The following CLN8 variants were observed in gnomAD, a reference collection of about 807,000 sequenced individuals.
CLN8 encodes the protein protein CLN8.
Under a neutral mutation model 15.7 loss-of-function variants are expected in CLN8, and 14 were observed. The ratio of observed to expected loss-of-function variants is 0.89; its 90% CI spans 0.59 to 1.39. CLN8 has a LOEUF of 1.39. CLN8 is among the 40% of genes most tolerant of loss of function. The pLI, the probability that CLN8 is intolerant of heterozygous loss-of-function variation, is 0.00. For missense variants in CLN8, 415 were observed against 364.0 expected (o/e 1.14, Z -1.14); for synonymous variants, 188 against 151.0 (o/e 1.25, Z -1.80).
chr8:1,775,463 C>G (rs941338375), intron 2 of CLN8, among the ~76,000 whole-genome samples: 1 of 152,190 alleles, frequency 6.6e-6, no homozygotes, highest in African/African-American at 2.4e-5. Flanking sequence ...CTACTCTTCT[C>G]AAAGCCTTTG....
At chr8:1,767,026 C>G (rs1439028395) in intron 1 of CLN8, among the ~76,000 whole-genome samples, 1 of 152,220 alleles carries the variant, frequency 6.6e-6, no homozygotes, top group Admixed American at 6.5e-5. Flanking sequence ...CAGCAGAGCT[C>G]TGCAGGACTC....
At chr8:1,760,704 C>T (rs994092891), upstream of CLN8, among the ~76,000 whole-genome samples, 16 of 152,166 alleles carry the variant, frequency 1.1e-4, no homozygotes, top group African/African-American at 3.9e-4. Context: ...GAACCCAGTG[C>T]TGATGGAGAA....
At chr8:1,773,777 A>G (rs1410092772) in intron 2 of CLN8, 1 of 152,194 alleles carries the variant, frequency 6.6e-6, no homozygotes, top group African/African-American at 2.4e-5. Flanking sequence ...TACTCCTCTC[A>G]CCTGGAAACA....
At chr8:1,763,178 G>A (rs1392058035), upstream of CLN8, 2 of 151,930 alleles carry the variant, frequency 1.3e-5, no homozygotes, top group Non-Finnish European at 2.9e-5. Flanking sequence ...CCCGGAGCGC[G>A]ACTCAGCCGC....
At chr8:1,753,483 A>G (rs1800598470), upstream of CLN8, among the ~76,000 whole-genome samples, 2 of 148,866 alleles carry the variant, frequency 1.3e-5, no homozygotes, top group Non-Finnish European at 3.0e-5. Context: ...AGGCAGGAGA[A>G]TGGCTTGAAC....
At position 1,771,070 on chromosome 8, in the gene CLN8, G is replaced by C. The variant is rs200999640; in HGVS notation, c.16G>C (p.Asp6His). The C allele has an allele frequency of 1.2e-6, 2 of 1,614,068 alleles. No homozygotes were observed. Among genetic ancestry groups the C allele is most frequent in the Admixed American group, 1.7e-5 (1 of 60,006 alleles). MNPAS[D>H]GGTSESIFDL... ...GCTGTGGACAATGAATCCTGCGAGC[G>C]ATGGGGGCACATCAGAGAGCATTTT... Residue 6 changes from aspartate to histidine, a missense_variant, in exon 2 of 3, where the codon GAT (aspartate) becomes CAT (histidine). Transcript: ENST00000331222.
chr8:1,754,635 G>A (rs929111967), upstream of CLN8, among the ~76,000 whole-genome samples: 5 of 152,226 alleles, frequency 3.3e-5, no homozygotes, highest in African/African-American at 4.8e-5. Context: ...AGCTGCTGTC[G>A]AACACACATT....
chr8:1,782,980 C>T lies in CLN8; in HGVS notation c.*2413C>T, dbSNP rs1375356085. Reference sequence around the variant, plus strand: ...CACCCGCTCCGTCCAGTGTCACCCACACATTGGTCCGGGGACCCCTCAGTG... The same window carrying T: ...CACCCGCTCCGTCCAGTGTCACCCATACATTGGTCCGGGGACCCCTCAGTG... On this transcript the variant is annotated 3_prime_UTR_variant, in exon 3 of 3. Coordinates refer to ENST00000331222, the MANE Select transcript of CLN8 (RefSeq NM_018941.4). 1 of 152,292 alleles carries T rather than the reference C, an allele frequency of 6.6e-6. No homozygotes were observed. Among genetic ancestry groups the T allele is most frequent in the Admixed American group, 6.5e-5 (1 of 15,284 alleles). The allele number at this position is 152,292 out of a possible 1,614,324, so 9.4% of individuals were successfully genotyped here.
rs1801833463 is a variant in CLN8 at position 1,786,506 on chromosome 8, A to C, written c.*5939A>C. The C allele has an allele frequency of 6.6e-6, 1 of 152,234 alleles. No homozygotes were observed. The highest frequency in any genetic ancestry group is 1.5e-5 in the Non-Finnish European group (1 of 68,038). The allele number at this position is 152,234 out of a possible 1,614,324, so 9.4% of individuals were successfully genotyped here. A position where few individuals can be genotyped will look rare whatever the true frequency, so the allele number is the denominator to read the frequency against. ...ACTTCACTCTTAGTAAAATGTATTT[A>C]CTATTTTAGTAACAAAAATATACTT... On this transcript the variant is annotated 3_prime_UTR_variant, in exon 3 of 3. Coordinates refer to ENST00000331222, the MANE Select transcript of CLN8 (RefSeq NM_018941.4).
chr8:1,768,445 C>A (rs373238400), intron 1 of CLN8, among the ~76,000 whole-genome samples: 1 of 152,094 alleles, frequency 6.6e-6, no homozygotes, highest in Non-Finnish European at 1.5e-5. Context: ...CTTCTGGAGT[C>A]GGGGTTTCTC....
upstream of CLN8, chr8:1,762,475 C>G (rs1284453725): frequency 1.3e-5 from 2 of 152,218 alleles, no homozygotes; most frequent in Non-Finnish European, 2.9e-5. Context: ...ATCATGAAGG[C>G]TGCTGGCAGT....
exon 1 of CLN8, chr8:1,755,806 T>C (rs1800656742): frequency 6.6e-6 from 1 of 152,206 alleles, no homozygotes; most frequent in Non-Finnish European, 1.5e-5. Context: ...AGAGTCATCT[T>C]CAGAATGAGT....
In CLN8 at chr8:1,780,233, G is replaced by A. The variant is rs1418038120; in HGVS notation, c.544-17G>A. 1.2e-6 allele frequency: 2 copies of A among 1,614,262 alleles called. No individual in the cohort carries two copies. Among genetic ancestry groups the A allele is most frequent in the Non-Finnish European group, 1.7e-6 (2 of 1,180,040 alleles). ...CAGTTTCGCATTGACTTGTGCATTT[G>A]TCTTCTCTCCATGCAGGCGGGCTGG... On this transcript the variant is annotated splice_polypyrimidine_tract_variant and intron_variant, in intron 2 of 2. Transcript: ENST00000331222.
chr8:1,757,886 T>C (rs1800708864), intron 1 of CLN8, among the ~76,000 whole-genome samples: 1 of 152,186 alleles, frequency 6.6e-6, no homozygotes, highest in Non-Finnish European at 1.5e-5. Flanking sequence ...TGCCAAATGT[T>C]GTTTGTCTGA....
intron 2 of CLN8, among the ~76,000 whole-genome samples, chr8:1,778,354 A>G (rs1188483505): frequency 6.6e-6 from 1 of 152,262 alleles, no homozygotes; most frequent in Non-Finnish European, 1.5e-5. Context: ...TTAACTCTTC[A>G]CATTTCATTT....
At chr8:1,759,160 TCAACG>T, upstream of CLN8, 1 of 152,340 alleles carries the variant, frequency 6.6e-6, no homozygotes, top group African/African-American at 2.4e-5. Flanking sequence ...TGCCTGGATT[TCAACG>T]GAAGGCGGGT....
In CLN8 at chr8:1,780,321, G is replaced by A. The variant is rs1801673503; in HGVS notation, c.615G>A (p.Met205Ile). The A allele has an allele frequency of 6.2e-7, 1 of 1,614,132 alleles. No homozygotes were observed. The highest frequency in any genetic ancestry group is 8.5e-7 in the Non-Finnish European group (1 of 1,180,052). The change falls in exon 3 of 3, where the codon ATG becomes ATA. Residue 205 changes from methionine to isoleucine, a missense_variant. Physicochemically the swap from Met to Ile is conservative, Grantham distance 10. Coordinates refer to ENST00000331222, the MANE Select transcript of CLN8 (RefSeq NM_018941.4). ...TGATTCACATGTTTCACTGCCGCAT[G>A]GTTCTAACCTACCACATGTGGTGGG... ...WLMIHMFHCR[M>I]VLTYHMWWVC...
In CLN8 at chr8:1,780,629, C is replaced by A; in HGVS notation, c.*62C>A. 6.8e-7 allele frequency: 1 copy of A among 1,477,144 alleles called. No homozygotes were observed. The highest frequency in any genetic ancestry group is 9.4e-7 in the Non-Finnish European group (1 of 1,064,714). The allele number at this position is 1,477,144 out of a possible 1,614,324, so 91.5% of individuals were successfully genotyped here. Reference sequence around the variant, plus strand: ...GGCACACCGATTCTGGGAAGCCCCGCGAATGATGGCTTTTGAATTAATGAG... The same window carrying A: ...GGCACACCGATTCTGGGAAGCCCCGAGAATGATGGCTTTTGAATTAATGAG... On this transcript the variant is annotated 3_prime_UTR_variant, in exon 3 of 3. Transcript: ENST00000331222.
At chr8:1,774,873 G>A (rs1215773283) in intron 2 of CLN8, among the ~76,000 whole-genome samples, 2 of 152,126 alleles carry the variant, frequency 1.3e-5, no homozygotes, top group Non-Finnish European at 2.9e-5. Context: ...TGTAGTACCA[G>A]CCAATTGGGA....
Sources: allele counts gnomAD v4.1 joint callset (sites outside exome capture counted in the v4.1 genomes callset), GRCh38; gene constraint gnomAD v4.1.1; transcripts MANE v1.5; gene names NCBI Gene and HGNC (gene_info 2026-07-23, HGNC 2026-07-21).